Variants in CERS6 observed in about 807,000 individuals in gnomAD.
The protein encoded by CERS6 is LAG1 homolog, ceramide synthase 6.
In CERS6, 26 loss-of-function variants were observed where a neutral mutation model predicts 56.8. The ratio of observed to expected loss-of-function variants is 0.46; its 90% confidence interval spans 0.34 to 0.63. CERS6 has a LOEUF of 0.63. Among genes scored for constraint, CERS6 ranks in the 30% least tolerant of loss-of-function variants. The pLI, the probability that CERS6 is intolerant of heterozygous loss-of-function variation, is 0.01. For synonymous variants in CERS6, 164 were observed against 173.3 expected (o/e 0.95, Z 0.42); for missense variants, 415 against 467.5 (o/e 0.89, Z 1.04).
intron 1 of CERS6, among the ~76,000 whole-genome samples, chr2:168,528,573 A>G (rs1695110678): frequency 6.6e-6 from 1 of 152,234 alleles, no homozygotes; most frequent in African/African-American, 2.4e-5. Context: ...CCTCTAAGCT[A>G]CATTGAAGCA....
At chr2:168,660,070 G>T (rs1407544226) in intron 4 of CERS6, among the ~76,000 whole-genome samples, 1 of 152,130 alleles carries the variant, frequency 6.6e-6, no homozygotes, top group Non-Finnish European at 1.5e-5. Context: ...ATCCTTAAGT[G>T]ACTGTGGAAT....
intron 8 of CERS6, among the ~76,000 whole-genome samples, chr2:168,737,029 CTT>C (rs1445669228): frequency 6.6e-6 from 1 of 152,230 alleles, no homozygotes; most frequent in African/African-American, 2.4e-5. Context: ...TGTACCATCT[CTT>C]TCTCTCCACC....
intron 1 of CERS6, among the ~76,000 whole-genome samples, chr2:168,484,518 G>C (rs1694241016): frequency 2.6e-5 from 4 of 151,992 alleles, no homozygotes; most frequent in African/African-American, 7.2e-5. Context: ...AGGGAAGAAA[G>C]TAACTGTCTA....
At chr2:168,579,191 A>G (rs1366058685) in intron 3 of CERS6, among the ~76,000 whole-genome samples, 1 of 152,174 alleles carries the variant, frequency 6.6e-6, no homozygotes, top group Admixed American at 6.6e-5. Flanking sequence ...AAAGTTGTAA[A>G]AATTATTTTG....
At chr2:168,558,863 T>G (rs1648867484) in intron 2 of CERS6, among the ~76,000 whole-genome samples, 1 of 152,136 alleles carries the variant, frequency 6.6e-6, no homozygotes, top group Non-Finnish European at 1.5e-5. Context: ...AGCAAGACTC[T>G]GTCACACACA....
chr2:168,626,610 T>C (rs752026888), intron 3 of CERS6, among the ~76,000 whole-genome samples: 18 of 152,176 alleles, frequency 1.2e-4, no homozygotes, highest in Non-Finnish European at 2.5e-4. Flanking sequence ...TCCAAGCAAA[T>C]GTAGTGGAAC....
rs562137124 is a variant in CERS6 at position 168,704,164 on chromosome 2, C to G, written c.609+9113C>G. ...TCTTTAGATCTCATGGTCAGATAAC[C>G]AGCCACTAGTCAGCCCTGGTTCTCA... On this transcript the variant is annotated intron_variant, in intron 6 of 9. Transcript: ENST00000305747. Among the ~76,000 whole-genome samples, 380 of 152,278 alleles carry G rather than the reference C, an allele frequency of 2.5e-3. 1 individual carries two copies. The highest frequency in any genetic ancestry group is 8.6e-3 in the African/African-American group (356 of 41,564).
chr2:168,738,799 A>G (rs939466970), intron 8 of CERS6, among the ~76,000 whole-genome samples: 2 of 152,340 alleles, frequency 1.3e-5, no homozygotes, highest in East Asian at 3.9e-4. Flanking sequence ...CAGTTCTAAC[A>G]TTGGGCAGCC....
At chr2:168,610,581 A>G (rs1243899777) in intron 3 of CERS6, among the ~76,000 whole-genome samples, 2 of 152,342 alleles carry the variant, frequency 1.3e-5, no homozygotes, top group East Asian at 3.9e-4. Context: ...ATTATTATTT[A>G]ATAATTTAAT....
intron 1 of CERS6, among the ~76,000 whole-genome samples, chr2:168,519,942 C>T (rs1694948170): frequency 6.6e-6 from 1 of 151,964 alleles, no homozygotes; most frequent in Admixed American, 6.6e-5. Context: ...GGGTATTTAC[C>T]CAGTTATAGG....
chr2:168,486,961 A>T (rs1033780089), intron 1 of CERS6, among the ~76,000 whole-genome samples: 1 of 151,552 alleles, frequency 6.6e-6, no homozygotes, highest in East Asian at 1.9e-4. Flanking sequence ...CCACTTAATG[A>T]TTTTTTTTTC....
Position 168,534,407 on chromosome 2 carries a change from C to CT in CERS6, c.171-13175dup, listed in dbSNP as rs34587789. Among the ~76,000 whole-genome samples, 45 of 136,650 alleles carry CT rather than the reference C, an allele frequency of 3.3e-4. 1 individual carries two copies. The highest frequency in any genetic ancestry group is 3.8e-3 in the Middle Eastern group (1 of 264). 89.6% of individuals were successfully genotyped at this position (136,650 alleles called of 152,430 possible). On this transcript the variant is annotated intron_variant, in intron 1 of 9. Transcript: ENST00000305747. ...ACCCTTGGATGCGGTTTTTGTGGGGCTTTTTTTTTTTTTTAATTGTTGATG... is the reference window on the plus strand; with the variant it reads ...ACCCTTGGATGCGGTTTTTGTGGGGCTTTTTTTTTTTTTTTAATTGTTGATG...
At chr2:168,576,954 G>T (rs1440073857) in intron 3 of CERS6, among the ~76,000 whole-genome samples, 2 of 152,166 alleles carry the variant, frequency 1.3e-5, no homozygotes, top group African/African-American at 4.8e-5. Flanking sequence ...TGAGGGAGGA[G>T]CAAACCTGGG....
intron 8 of CERS6, among the ~76,000 whole-genome samples, chr2:168,751,467 C>T (rs1684265995): frequency 6.6e-6 from 1 of 152,208 alleles, no homozygotes; most frequent in Admixed American, 6.5e-5. Context: ...TTCTCTCTCA[C>T]TGCTCCACAC....
chr2:168,733,213 C>A (rs1574202108), intron 8 of CERS6, among the ~76,000 whole-genome samples: 1 of 152,200 alleles, frequency 6.6e-6, no homozygotes, highest in Admixed American at 6.5e-5. Context: ...CGTGAAAACC[C>A]AACAGTTTCA....
At chr2:168,552,562 G>A in intron 2 of CERS6, among the ~76,000 whole-genome samples, 1 of 152,158 alleles carries the variant, frequency 6.6e-6, no homozygotes, top group East Asian at 1.9e-4. Context: ...GGAGGGCCGT[G>A]TGGGGGTGGG....
At chr2:168,615,961 T>A (rs142834553) in intron 3 of CERS6, among the ~76,000 whole-genome samples, 3 of 152,322 alleles carry the variant, frequency 2.0e-5, no homozygotes, top group South Asian at 4.1e-4. Flanking sequence ...TCTTAAGAGC[T>A]GTGAGGCAAA....
chr2:168,558,493 T>C (rs1695722381), intron 2 of CERS6, among the ~76,000 whole-genome samples: 1 of 152,240 alleles, frequency 6.6e-6, no homozygotes, highest in Non-Finnish European at 1.5e-5. Context: ...GACAAATGTC[T>C]GTAGTATGCA....
intron 4 of CERS6, among the ~76,000 whole-genome samples, chr2:168,634,451 C>T (rs376192229): frequency 1.3e-5 from 2 of 152,204 alleles, no homozygotes. Context: ...CTCGCTCTGC[C>T]GCCCAGGCTG....
Sources: allele counts gnomAD v4.1 joint callset (sites outside exome capture counted in the v4.1 genomes callset), GRCh38; gene constraint gnomAD v4.1.1; transcripts MANE v1.5; gene names NCBI Gene and HGNC (gene_info 2026-07-23, HGNC 2026-07-21).